The following HCRTR2 variants were observed in gnomAD, a reference collection of about 807,000 sequenced individuals.
HCRTR2 encodes hypocretin receptor 2, also known as orexin receptor type 2.
A neutral mutation model predicts 49.0 loss-of-function variants in HCRTR2; 22 were observed. The observed-to-expected ratio is 0.45, with a 90% CI of 0.32 to 0.64. The LOEUF is 0.64. Among genes scored for constraint, HCRTR2 ranks in the 30% least tolerant of loss-of-function variants. The pLI is 0.04. For synonymous variants in HCRTR2, 236 were observed against 205.3 expected, an observed-to-expected ratio of 1.15 and a Z score of -1.28; for missense variants, 491 against 559.4, an observed-to-expected ratio of 0.88 and a Z score of 1.23.
intron 4 of HCRTR2, among the ~76,000 whole-genome samples, chr6:55,271,836 C>G (rs1401794986): frequency 6.6e-6 from 1 of 152,054 alleles, no homozygotes; most frequent in Non-Finnish European, 1.5e-5. Context: ...TCACACTCAA[C>G]AGGATAGATT....
intron 1 of HCRTR2, among the ~76,000 whole-genome samples, chr6:55,118,271 T>C (rs1764147889): frequency 1.3e-5 from 2 of 152,012 alleles, no homozygotes; most frequent in South Asian, 4.1e-4. Context: ...ATGGTGTATA[T>C]GCACCACATT....
intron 1 of HCRTR2, among the ~76,000 whole-genome samples, chr6:55,205,229 C>A (rs756186556): frequency 2.0e-5 from 3 of 152,152 alleles, no homozygotes; most frequent in East Asian, 1.9e-4. Flanking sequence ...GTATCTAAAG[C>A]TGTGAGCCGA....
At chr6:55,231,882 C>T (rs1766121483) in intron 1 of HCRTR2, among the ~76,000 whole-genome samples, 1 of 151,960 alleles carries the variant, frequency 6.6e-6, no homozygotes, top group Admixed American at 6.6e-5. Context: ...AATAGATGTC[C>T]CTTAAATACA....
chr6:55,215,020 C>A (rs1765763704), intron 1 of HCRTR2, among the ~76,000 whole-genome samples: 1 of 152,000 alleles, frequency 6.6e-6, no homozygotes. Flanking sequence ...GCATCATTGA[C>A]AAAATAATGA....
At chr6:55,200,848 T>G (rs1765500959) in intron 1 of HCRTR2, among the ~76,000 whole-genome samples, 1 of 152,196 alleles carries the variant, frequency 6.6e-6, no homozygotes, top group African/African-American at 2.4e-5. Context: ...TAGAAAGTAT[T>G]TGTTGTTATT....
chr6:55,217,756 G>T (rs898764004), intron 1 of HCRTR2, among the ~76,000 whole-genome samples: 2 of 152,150 alleles, frequency 1.3e-5, no homozygotes, highest in African/African-American at 2.4e-5. Context: ...TTCACCAGAA[G>T]CACCCTTAAC....
downstream of HCRTR2, among the ~76,000 whole-genome samples, chr6:55,284,147 G>C (rs936180237): frequency 1.1e-4 from 16 of 152,066 alleles, no homozygotes; most frequent in African/African-American, 3.9e-4. Flanking sequence ...TTAATAGCCA[G>C]TAATAGCTCA....
At chr6:55,165,767 A>ATC (rs1764868805) in intron 1 of HCRTR2, among the ~76,000 whole-genome samples, 1 of 40,888 alleles carries the variant, frequency 2.4e-5, no homozygotes, top group African/African-American at 6.5e-5. Flanking sequence ...ATATATATAT[A>ATC]TATATATATA....
chr6:55,169,268 T>A (rs554069940), intron 1 of HCRTR2, among the ~76,000 whole-genome samples: 2 of 151,666 alleles, frequency 1.3e-5, no homozygotes, highest in East Asian at 2.0e-4. Context: ...AAATATCAGA[T>A]CTAATAATGC....
At chr6:55,230,366 T>G (rs1766090831) in intron 1 of HCRTR2, among the ~76,000 whole-genome samples, 1 of 152,180 alleles carries the variant, frequency 6.6e-6, no homozygotes, top group African/African-American at 2.4e-5. Flanking sequence ...GACAGGATTC[T>G]TAGGACTTCA....
chr6:55,194,338 A>G (rs1200823724), intron 1 of HCRTR2, among the ~76,000 whole-genome samples: 1 of 152,152 alleles, frequency 6.6e-6, no homozygotes, highest in Non-Finnish European at 1.5e-5. Flanking sequence ...TTTAAAAGAT[A>G]ATAATGCTTT....
chr6:55,269,929 A>AC (rs1766940196), intron 4 of HCRTR2, among the ~76,000 whole-genome samples: 1 of 152,164 alleles, frequency 6.6e-6, no homozygotes, highest in Non-Finnish European at 1.5e-5. Flanking sequence ...GCACCACTGC[A>AC]CTCCAGCCTG....
intron 4 of HCRTR2, chr6:55,264,068 T>C (rs1766818930): frequency 6.7e-6 from 3 of 448,094 alleles, no homozygotes; most frequent in East Asian, 4.1e-5. Context: ...AAATGTATTT[T>C]ATAAACTGAT....
At chr6:55,160,622 A>C (rs999791146) in intron 1 of HCRTR2, among the ~76,000 whole-genome samples, 1 of 152,214 alleles carries the variant, frequency 6.6e-6, no homozygotes, top group Non-Finnish European at 1.5e-5. Context: ...TAGGCTCGAA[A>C]TAAAGGGATG....
intron 1 of HCRTR2, among the ~76,000 whole-genome samples, chr6:55,155,627 A>C (rs1287147294): frequency 6.6e-6 from 1 of 152,034 alleles, no homozygotes; most frequent in African/African-American, 2.4e-5. Flanking sequence ...CCTAAGAGCT[A>C]TTCATCATAG....
intron 1 of HCRTR2, among the ~76,000 whole-genome samples, chr6:55,226,072 G>T (rs1274290920): frequency 1.3e-5 from 2 of 152,200 alleles, no homozygotes; most frequent in African/African-American, 4.8e-5. Flanking sequence ...TCCAATTGCA[G>T]CATCATTGGG....
intron 1 of HCRTR2, among the ~76,000 whole-genome samples, chr6:55,109,230 G>T (rs566078519): frequency 6.7e-4 from 102 of 152,196 alleles, no homozygotes; most frequent in African/African-American, 2.4e-3. Flanking sequence ...TTGGACAAAA[G>T]AACTGAGATC....
intron 1 of HCRTR2, among the ~76,000 whole-genome samples, chr6:55,154,713 TAAATATAA>T (rs1194930602): frequency 6.9e-6 from 1 of 144,668 alleles, no homozygotes; most frequent in Non-Finnish European, 1.6e-5. Context: ...AATAAATAAA[TAAATATAA>T]ATAAATAAAT....
intron 1 of HCRTR2, among the ~76,000 whole-genome samples, chr6:55,167,726 T>C (rs1764897887): frequency 6.6e-6 from 1 of 152,200 alleles, no homozygotes; most frequent in Non-Finnish European, 1.5e-5. Context: ...GGATAGTTTC[T>C]AGCAGGGTGT....
Sources: gnomAD v4.1 joint callset for allele counts (sites outside exome capture counted in the v4.1 genomes callset) on GRCh38, gnomAD v4.1.1 for gene constraint, MANE v1.5 for transcripts, NCBI Gene and HGNC (gene_info 2026-07-23, HGNC 2026-07-21) for gene names.